The following SLC25A23 variants were observed in gnomAD, a reference collection of about 807,000 sequenced individuals.
The protein encoded by SLC25A23 is mitochondrial adenyl nucleotide antiporter SLC25A23.
A neutral mutation model predicts 53.9 loss-of-function variants in SLC25A23; 32 were observed. The observed-to-expected ratio is 0.59, with a 90% confidence interval of 0.45 to 0.80. SLC25A23 has a LOEUF of 0.80. SLC25A23 is among the 30% of genes least tolerant of loss of function. The pLI is 0.00. For missense variants in SLC25A23, 575 were observed against 651.4 expected (o/e 0.88, Z 1.28); for synonymous variants, 275 against 264.5 (o/e 1.04, Z -0.38).
chr19:6,458,317 G>C lies in SLC25A23; in HGVS notation c.164C>G (p.Ser55Cys). 1 of 1,612,552 alleles carries C rather than the reference G, an allele frequency of 6.2e-7. No individual in the cohort carries two copies. The highest frequency in any genetic ancestry group is 8.5e-7 in the Non-Finnish European group (1 of 1,179,846). Residue 55 changes from serine (S) to cysteine (C), a missense_variant, in exon 2 of 10, where the codon TCC (serine) becomes TGC (cysteine). Transcript: ENST00000301454. The stretch of plus-strand genomic sequence containing the variant: ...ATCTGGGTCAGCATCACCCTCAGAG[G>C]AGATACCCTGACAGAGGGAAAGGGG... ...NPDPGAQQGI[S>C]SEGDADPDGG...
At chr19:6,453,126 T>C (rs1364459820) in intron 7 of SLC25A23, among the ~76,000 whole-genome samples, 5 of 152,014 alleles carry the variant, frequency 3.3e-5, no homozygotes, top group African/African-American at 7.3e-5. Context: ...GCCACATTGG[T>C]CCATGAGGTT....
intron 3 of SLC25A23, among the ~76,000 whole-genome samples, chr19:6,456,871 G>A (rs1392847011): frequency 6.6e-6 from 1 of 151,696 alleles, no homozygotes; most frequent in Non-Finnish European, 1.5e-5. Flanking sequence ...GTAGAGACAG[G>A]GTTTCACCAT....
At chr19:6,439,399 TCACACACA>T (rs57370920), downstream of SLC25A23, among the ~76,000 whole-genome samples, 6 of 124,112 alleles carry the variant, frequency 4.8e-5, no homozygotes, top group South Asian at 2.7e-4. Flanking sequence ...TCTCTCTCTC[TCACACACA>T]CACACACACA....
At chr19:6,436,523 A>G, downstream of SLC25A23, 2 of 445,242 alleles carry the variant, frequency 4.5e-6, no homozygotes, top group Non-Finnish European at 9.0e-6. Context: ...GCATGTAACC[A>G]ATAACCAGGA....
At chr19:6,445,862 G>A (rs758997819) in intron 8 of SLC25A23, among the ~76,000 whole-genome samples, 4 of 151,886 alleles carry the variant, frequency 2.6e-5, no homozygotes, top group South Asian at 2.1e-4. Flanking sequence ...GACCAGCCTC[G>A]GAAACATAGC....
At position 6,441,939 on chromosome 19, in the gene SLC25A23, G is replaced by GT; in HGVS notation, c.*35_*36insA. On this transcript the variant is annotated 3_prime_UTR_variant, in exon 10 of 10. Coordinates refer to ENST00000301454, the MANE Select transcript of SLC25A23 (RefSeq NM_024103.3). ...ATCAGTCTCCAGTGGCTGAGGTGTG[G>GT]GGGGTGAGGGATTGGGGGGACGGGC... 1 of 1,596,370 alleles carries GT rather than the reference G, an allele frequency of 6.3e-7. No homozygotes were observed. Among genetic ancestry groups the GT allele is most frequent in the Non-Finnish European group, 8.6e-7 (1 of 1,166,414 alleles).
Position 6,441,621 on chromosome 19 carries a change from T to G in SLC25A23, c.*354A>C. ...GATGTGGGGCTGCAGGATCCAGTGA[T>G]TTGGGGGATGGGGATTAAGGGCTGG... On this transcript the variant is annotated 3_prime_UTR_variant, in exon 10 of 10. Coordinates refer to ENST00000301454, the MANE Select transcript of SLC25A23 (RefSeq NM_024103.3). 5 of 287,940 alleles carry G rather than the reference T, an allele frequency of 1.7e-5. No homozygotes were observed. Among genetic ancestry groups the G allele is most frequent in the Non-Finnish European group, 2.0e-5 (3 of 148,430 alleles). The allele number at this position is 287,940 out of a possible 1,614,324, so 17.8% of individuals were successfully genotyped here.
intron 8 of SLC25A23, among the ~76,000 whole-genome samples, chr19:6,451,965 C>T (rs955238590): frequency 6.6e-6 from 1 of 151,740 alleles, no homozygotes; most frequent in Non-Finnish European, 1.5e-5. Flanking sequence ...TCAAGCAATT[C>T]TCATGCCTCG....
At chr19:6,448,384 G>C (rs887679948) in intron 8 of SLC25A23, among the ~76,000 whole-genome samples, 1 of 152,008 alleles carries the variant, frequency 6.6e-6, no homozygotes, top group African/African-American at 2.4e-5. Context: ...TTGCCAAATA[G>C]ATGTTTAATG....
rs1003183798 is a variant in SLC25A23, at chr19:6,454,247, A to C, written c.795+76T>G. On this transcript the variant is annotated intron_variant, in intron 6 of 9. Coordinates refer to ENST00000301454, the MANE Select transcript of SLC25A23 (RefSeq NM_024103.3). The surrounding 1 kb of genome is among the most constrained non-coding windows in gnomAD (Gnocchi z 4.3). ...GACCTGTGTTCACCACCCACCCCCA[A>C]GCCAATCCCGTAAATCTTTATGTAC... The C allele has an allele frequency of 1.9e-6, 3 of 1,554,308 alleles. No individual in the cohort carries two copies. Among genetic ancestry groups the C allele is most frequent in the Non-Finnish European group, 2.6e-6 (3 of 1,146,744 alleles).
At chr19:6,444,813 G>A (rs1296891337) in intron 8 of SLC25A23, among the ~76,000 whole-genome samples, 1 of 151,364 alleles carries the variant, frequency 6.6e-6, no homozygotes, top group Non-Finnish European at 1.5e-5. Context: ...GAATACAGGT[G>A]CGTGCCACCA....
At chr19:6,455,707 G>GTTTTTTTTT (rs529957147) in intron 4 of SLC25A23, among the ~76,000 whole-genome samples, 9 of 124,966 alleles carry the variant, frequency 7.2e-5, no homozygotes, top group African/African-American at 2.8e-4. Context: ...TGAAGACCGT[G>GTTTTTTTTT]TTTTTTTTTT....
At chr19:6,456,046 T>A (rs756561379) in intron 4 of SLC25A23, 1 of 1,319,088 alleles carries the variant, frequency 7.6e-7, no homozygotes, top group Non-Finnish European at 9.9e-7. Flanking sequence ...ACGATTCTGT[T>A]CAGCCGTAGA....
chr19:6,444,842 T>G (rs1380325916), intron 8 of SLC25A23, among the ~76,000 whole-genome samples: 3 of 148,882 alleles, frequency 2.0e-5, no homozygotes, highest in Non-Finnish European at 4.4e-5. Context: ...TAATTTTTTG[T>G]ATTTTTAGTA....
chr19:6,456,633 T>C, intron 3 of SLC25A23, 102 bp from the exon 4 acceptor site: 1 of 765,232 alleles, frequency 1.3e-6, no homozygotes, highest in Admixed American at 2.1e-5. Context: ...GAGGTTCAAG[T>C]CCTCATATCA....
chr19:6,458,261 A>G lies in SLC25A23; in HGVS notation c.220T>C (p.Tyr74His). 1.2e-6 allele frequency: 2 copies of G among 1,613,678 alleles called. No individual in the cohort carries two copies. Among genetic ancestry groups the G allele is most frequent in the Non-Finnish European group, 8.5e-7 (1 of 1,179,992 alleles). ...AGACGCTGTTCCCGCTCCTGCAGAT[A>G]GCGGGAAAATTCCTCCAGGTCGAGC... is the stretch of plus-strand genomic sequence containing the variant. ...GGLDLEEFSR[Y>H]LQEREQRLLL... Residue 74 changes from tyrosine (Y) to histidine (H), a missense_variant, in exon 2 of 10, where the codon TAT becomes CAT. Tyr to His is a moderately conservative substitution (Grantham distance 83, BLOSUM62 2). Coordinates refer to ENST00000301454, the MANE Select transcript of SLC25A23 (RefSeq NM_024103.3).
At chr19:6,436,691 A>G (rs528521067), downstream of SLC25A23, among the ~76,000 whole-genome samples, 66 of 151,898 alleles carry the variant, frequency 4.3e-4, no homozygotes, top group Non-Finnish European at 8.5e-4. Flanking sequence ...CTGGGATTAT[A>G]GGTGCCCGCC....
At chr19:6,445,057 C>T (rs2092482709) in intron 8 of SLC25A23, among the ~76,000 whole-genome samples, 1 of 152,038 alleles carries the variant, frequency 6.6e-6, no homozygotes, top group Non-Finnish European at 1.5e-5. Context: ...TCCCCCTCGG[C>T]CTCCCAAAGT....
At chr19:6,437,535 C>T (rs1351934232), downstream of SLC25A23, among the ~76,000 whole-genome samples, 2 of 152,136 alleles carry the variant, frequency 1.3e-5, no homozygotes, top group South Asian at 2.1e-4. Flanking sequence ...ATCGGCCAGG[C>T]GCAGTGGCTC....
Sources: allele counts gnomAD v4.1 joint callset (sites outside exome capture counted in the v4.1 genomes callset), GRCh38; gene constraint gnomAD v4.1.1; non-coding constraint Gnocchi (gnomAD v3.1); transcripts MANE v1.5; gene names NCBI Gene and HGNC (gene_info 2026-07-23, HGNC 2026-07-21).